Variants in MDFIC2 observed in about 807,000 individuals in gnomAD.
The protein encoded by MDFIC2 is myoD family inhibitor domain-containing protein 2.
chr3:70,238,320 A>G (rs981469507), intron 2 of MDFIC2, among the ~76,000 whole-genome samples: 1 of 152,014 alleles, frequency 6.6e-6, no homozygotes, highest in Non-Finnish European at 1.5e-5. Flanking sequence ...TAAAAAGTCT[A>G]TCTGAGGCTG....
At chr3:70,229,895 T>C (rs1432851506) in intron 2 of MDFIC2, among the ~76,000 whole-genome samples, 1 of 152,184 alleles carries the variant, frequency 6.6e-6, no homozygotes, top group African/African-American at 2.4e-5. Context: ...GGGATACAAC[T>C]TATATGTGAA....
At chr3:70,249,142 A>T (rs1701735740) in intron 2 of MDFIC2, 1 of 152,140 alleles carries the variant, frequency 6.6e-6, no homozygotes, top group African/African-American at 2.4e-5. Context: ...ATCGATGTGG[A>T]TGTACACTTG....
At chr3:70,289,160 G>A (rs1411035063) in intron 2 of MDFIC2, among the ~76,000 whole-genome samples, 1 of 150,742 alleles carries the variant, frequency 6.6e-6, no homozygotes, top group Non-Finnish European at 1.5e-5. Context: ...AGTCTCGATG[G>A]TCTTTACATT....
At chr3:70,296,461 C>T (rs1702289674) in intron 2 of MDFIC2, among the ~76,000 whole-genome samples, 2 of 152,166 alleles carry the variant, frequency 1.3e-5, no homozygotes, top group Admixed American at 6.5e-5. Context: ...GAACCCATCA[C>T]CTCTCACACC....
intron 2 of MDFIC2, among the ~76,000 whole-genome samples, chr3:70,236,868 A>T (rs1701615013): frequency 6.6e-6 from 1 of 152,158 alleles, no homozygotes; most frequent in Non-Finnish European, 1.5e-5. Flanking sequence ...AGGTGTTAGG[A>T]TTTCAGGTAA....
At chr3:70,227,653 A>G (rs1701520791) in intron 2 of MDFIC2, among the ~76,000 whole-genome samples, 1 of 152,210 alleles carries the variant, frequency 6.6e-6, no homozygotes, top group African/African-American at 2.4e-5. Flanking sequence ...CACCAACCTA[A>G]TAATACTACT....
At chr3:70,207,517 C>A (rs1309016438) in intron 2 of MDFIC2, among the ~76,000 whole-genome samples, 2 of 151,948 alleles carry the variant, frequency 1.3e-5, no homozygotes, top group Admixed American at 6.6e-5. Flanking sequence ...GGCTGAGAAG[C>A]CCCAAGCGTT....
chr3:70,210,840 A>G lies in MDFIC2; in HGVS notation c.89-4050T>C, dbSNP rs138670423. On this transcript the variant is annotated intron_variant, in intron 2 of 3. Coordinates refer to ENST00000567252, the MANE Select transcript of MDFIC2 (RefSeq NM_001364677.1). Reference sequence around the variant, plus strand: ...GGGCTACAGGTAATTGCAAGAACAAATGGACATAAACTTAAGTCAGAGAAA... The same window carrying G: ...GGGCTACAGGTAATTGCAAGAACAAGTGGACATAAACTTAAGTCAGAGAAA... Among the ~76,000 whole-genome samples the G allele has an allele frequency of 3.6e-3, 540 of 152,092 alleles. 3 individuals are homozygous for G. Among genetic ancestry groups the G allele is most frequent in the African/African-American group, 0.012 (513 of 41,544 alleles).
At chr3:70,310,878 TG>T (rs2106709864) in intron 2 of MDFIC2, among the ~76,000 whole-genome samples, 1 of 152,286 alleles carries the variant, frequency 6.6e-6, no homozygotes, top group East Asian at 1.9e-4. Flanking sequence ...TCACACAAAC[TG>T]GCATTGAATC....
At chr3:70,242,955 A>G (rs949507134) in intron 2 of MDFIC2, among the ~76,000 whole-genome samples, 1 of 152,194 alleles carries the variant, frequency 6.6e-6, no homozygotes, top group Admixed American at 6.5e-5. Context: ...GACTTTAAAA[A>G]AATTGCCCCA....
intron 2 of MDFIC2, among the ~76,000 whole-genome samples, chr3:70,284,697 A>G (rs560707223): frequency 6.6e-6 from 1 of 152,330 alleles, no homozygotes; most frequent in East Asian, 1.9e-4. Context: ...CTAAACAATG[A>G]GAACACATGG....
intron 2 of MDFIC2, among the ~76,000 whole-genome samples, chr3:70,237,777 T>G (rs1196096796): frequency 6.6e-6 from 1 of 152,202 alleles, no homozygotes; most frequent in Non-Finnish European, 1.5e-5. Context: ...ATGATTTGTA[T>G]GCCGGTGCCA....
intron 2 of MDFIC2, among the ~76,000 whole-genome samples, chr3:70,219,337 C>T (rs1028411400): frequency 2.0e-5 from 3 of 152,166 alleles, no homozygotes; most frequent in Non-Finnish European, 4.4e-5. Flanking sequence ...GTGTTGTTTT[C>T]TGCATGCTCC....
intron 2 of MDFIC2, among the ~76,000 whole-genome samples, chr3:70,228,741 CTTT>C (rs74503205): frequency 1.5e-5 from 2 of 133,504 alleles, no homozygotes; most frequent in African/African-American, 2.8e-5. Context: ...TTTCATGAAT[CTTT>C]TTTTTTTTTT....
At chr3:70,298,860 C>G (rs1702317618) in intron 2 of MDFIC2, among the ~76,000 whole-genome samples, 1 of 152,104 alleles carries the variant, frequency 6.6e-6, no homozygotes, top group South Asian at 2.1e-4. Flanking sequence ...TTGTTTACTA[C>G]CTGGGTGACT....
chr3:70,196,141 T>C lies in MDFIC2; in HGVS notation c.*785A>G, dbSNP rs760493300. Among the ~76,000 whole-genome samples, 2 of 152,200 alleles carry C rather than the reference T, an allele frequency of 1.3e-5. No individual in the cohort carries two copies. The highest frequency in any genetic ancestry group is 2.9e-5 in the Non-Finnish European group (2 of 68,020). ...AAATAAAAATGAAGAAAGTGAAGAA[T>C]TGAGATTTTTTTGAAACTTGCACAT... On this transcript the variant is annotated 3_prime_UTR_variant, in exon 4 of 4. Coordinates refer to ENST00000567252, the MANE Select transcript of MDFIC2 (RefSeq NM_001364677.1).
chr3:70,204,480 C>A (rs1426412509), intron 3 of MDFIC2: 1 of 152,096 alleles, frequency 6.6e-6, no homozygotes, highest in African/African-American at 2.4e-5. Context: ...TCTCTTTTAT[C>A]CAGGTACCAA....
At chr3:70,260,220 C>G (rs2106660718) in intron 2 of MDFIC2, among the ~76,000 whole-genome samples, 1 of 152,240 alleles carries the variant, frequency 6.6e-6, no homozygotes, top group East Asian at 1.9e-4. Context: ...CACAGGCATT[C>G]CTTAGTTTGC....
At chr3:70,221,776 A>G (rs907052770) in intron 2 of MDFIC2, among the ~76,000 whole-genome samples, 2 of 152,186 alleles carry the variant, frequency 1.3e-5, no homozygotes, top group African/African-American at 4.8e-5. Context: ...CCGTGATTAT[A>G]TCGAGCATCA....
Sources: allele counts gnomAD v4.1 joint callset (sites outside exome capture counted in the v4.1 genomes callset), GRCh38; gene constraint gnomAD v4.1.1; transcripts MANE v1.5; gene names NCBI Gene and HGNC (gene_info 2026-07-23, HGNC 2026-07-21).